The following TMEM132D variants were observed in gnomAD, a reference collection of about 807,000 sequenced individuals.
The protein encoded by TMEM132D is transmembrane protein 132D.
A neutral mutation model predicts 62.3 loss-of-function variants in TMEM132D; 21 were observed. The ratio of observed to expected loss-of-function variants is 0.34; its 90% CI spans 0.24 to 0.49. The LOEUF is 0.49. TMEM132D is among the 20% of genes least tolerant of loss of function. TMEM132D has a pLI of 0.99. For synonymous variants in TMEM132D, 621 were observed against 575.6 expected (o/e 1.08, Z -1.13); for missense variants, 1,346 against 1,402.8 (o/e 0.96, Z 0.65).
At chr12:129,617,858 G>T (rs1878964330) in intron 2 of TMEM132D, among the ~76,000 whole-genome samples, 1 of 152,162 alleles carries the variant, frequency 6.6e-6, no homozygotes, top group African/African-American at 2.4e-5. Context: ...ATACATGGGG[G>T]TTAATATGAA....
chr12:129,325,401 C>T (rs957523413), intron 4 of TMEM132D, among the ~76,000 whole-genome samples: 1 of 152,186 alleles, frequency 6.6e-6, no homozygotes, highest in Admixed American at 6.5e-5. Context: ...GCGCCATGAT[C>T]TGAACCACAC....
At chr12:129,798,451 G>A (rs977480679) in intron 1 of TMEM132D, among the ~76,000 whole-genome samples, 1 of 151,340 alleles carries the variant, frequency 6.6e-6, no homozygotes, top group Admixed American at 6.6e-5. Flanking sequence ...TAATGTAGTA[G>A]AAACATATTA....
intron 2 of TMEM132D, among the ~76,000 whole-genome samples, chr12:129,675,541 A>G (rs1880606823): frequency 6.6e-6 from 1 of 152,140 alleles, no homozygotes; most frequent in African/African-American, 2.4e-5. Flanking sequence ...AAAATTAAAA[A>G]CCTAAAAATA....
intron 4 of TMEM132D, among the ~76,000 whole-genome samples, chr12:129,221,846 T>C (rs1879355798): frequency 2.0e-5 from 3 of 152,152 alleles, no homozygotes. Flanking sequence ...GCGACAATGA[T>C]GGGCTGTGGG....
At chr12:129,321,563 T>C (rs78600823) in intron 4 of TMEM132D, among the ~76,000 whole-genome samples, 2 of 135,138 alleles carry the variant, frequency 1.5e-5, no homozygotes, top group African/African-American at 6.6e-5. Flanking sequence ...AGATCTTTTC[T>C]TTTTTTTTTT....
chr12:129,610,730 G>A (rs911613162), intron 2 of TMEM132D, among the ~76,000 whole-genome samples: 1 of 149,104 alleles, frequency 6.7e-6, no homozygotes. Flanking sequence ...AGTAATTGAT[G>A]ATGTTAACAT....
At chr12:129,601,535 A>C (rs1262265112) in intron 2 of TMEM132D, among the ~76,000 whole-genome samples, 1 of 152,202 alleles carries the variant, frequency 6.6e-6, no homozygotes, top group Non-Finnish European at 1.5e-5. Context: ...ACTAAGCTTA[A>C]TCATTTCTAG....
rs796365436 is a variant in TMEM132D at position 129,074,444 on chromosome 12, T to C, written c.2731A>G (p.Lys911Glu). ...MDGNDLMQAS[K>E]GLSDLEIGMY... is the part of the protein sequence containing the mutation. ...CCAATTTCTAAGTCGCTCAGCCCTT[T>C]GGATGCCTGCATAAGGTCATTCCCA... The change falls in exon 9 of 9, where the codon AAA becomes GAA. Residue 911 changes from lysine (K) to glutamate (E), a missense_variant. Physicochemically the swap from Lys to Glu is moderately conservative, Grantham distance 56. Transcript: ENST00000422113. 3.1e-5 allele frequency: 50 copies of C among 1,614,170 alleles called. No individual in the cohort carries two copies. The highest frequency in any genetic ancestry group is 3.7e-5 in the Non-Finnish European group (44 of 1,180,028).
At chr12:129,184,526 T>C (rs1327429107) in intron 5 of TMEM132D, among the ~76,000 whole-genome samples, 1 of 152,164 alleles carries the variant, frequency 6.6e-6, no homozygotes, top group Non-Finnish European at 1.5e-5. Context: ...CCATACTCTA[T>C]GGGACTAGCC....
chr12:129,741,699 G>A lies in TMEM132D; in HGVS notation c.80-41001C>T, dbSNP rs115107200. 1.5e-3 allele frequency among the ~76,000 whole-genome samples: 226 copies of A among 152,294 alleles called. 1 individual carries two copies. The highest frequency in any genetic ancestry group is 5.1e-3 in the African/African-American group (210 of 41,558). ...TGTGGCAATTAGGACTGGGATTTTT[G>A]AAAAGGTCACTGAATTGGAAATTGG... On this transcript the variant is annotated intron_variant, in intron 1 of 8. Transcript: ENST00000422113.
intron 4 of TMEM132D, among the ~76,000 whole-genome samples, chr12:129,259,901 T>TGGGAAAGAAGA (rs1880509440): frequency 6.6e-6 from 1 of 152,020 alleles, no homozygotes; most frequent in South Asian, 2.1e-4. Flanking sequence ...TTTACTGAGA[T>TGGGAAAGAAGA]GGGAAAGATG....
chr12:129,500,454 G>A (rs34925721), intron 3 of TMEM132D, among the ~76,000 whole-genome samples: 84,637 of 151,592 alleles, frequency 0.56, 24,452 homozygotes, highest in African/African-American at 0.72. Flanking sequence ...GGATGGCTTA[G>A]TAAGCTGCCT....
At chr12:129,858,953 G>A (rs1268637705) in intron 1 of TMEM132D, among the ~76,000 whole-genome samples, 1 of 121,690 alleles carries the variant, frequency 8.2e-6, no homozygotes, top group African/African-American at 3.3e-5. Flanking sequence ...CGGGATGGGT[G>A]CCCTTGGAGT....
At chr12:129,759,737 C>T (rs1870289613) in intron 1 of TMEM132D, among the ~76,000 whole-genome samples, 1 of 152,172 alleles carries the variant, frequency 6.6e-6, no homozygotes, top group South Asian at 2.1e-4. Flanking sequence ...ATGTATACAG[C>T]TGTGTTACCA....
At chr12:129,658,623 A>G (rs11612960) in intron 2 of TMEM132D, among the ~76,000 whole-genome samples, 23,672 of 152,154 alleles carry the variant, frequency 0.16, 2,210 homozygotes, top group Non-Finnish European at 0.21. Flanking sequence ...GTATAATGGG[A>G]GTGACATGCT....
chr12:129,483,688 G>A (rs1268719878), intron 3 of TMEM132D, among the ~76,000 whole-genome samples: 1 of 152,146 alleles, frequency 6.6e-6, no homozygotes, highest in Non-Finnish European at 1.5e-5. Context: ...GAAACGTGTG[G>A]CTTCTGCCAA....
At chr12:129,274,148 C>T (rs950599004) in intron 4 of TMEM132D, among the ~76,000 whole-genome samples, 3 of 151,752 alleles carry the variant, frequency 2.0e-5, no homozygotes, top group South Asian at 2.1e-4. Context: ...AAGTCTTATG[C>T]GCATGAGAGT....
intron 5 of TMEM132D, among the ~76,000 whole-genome samples, chr12:129,166,678 T>TAC (rs1291888717): frequency 9.9e-4 from 87 of 87,556 alleles, no homozygotes; most frequent in Non-Finnish European, 1.9e-3. Context: ...CAAGGACATA[T>TAC]ATATACACAT....
intron 4 of TMEM132D, among the ~76,000 whole-genome samples, chr12:129,317,522 G>A (rs192548772): frequency 1.1e-3 from 160 of 152,308 alleles, no homozygotes; most frequent in African/African-American, 3.3e-3. Context: ...CTGTTAATCC[G>A]ATAGGATTTC....
Sources: gnomAD v4.1 joint callset for allele counts (sites outside exome capture counted in the v4.1 genomes callset) on GRCh38, gnomAD v4.1.1 for gene constraint, MANE v1.5 for transcripts, NCBI Gene and HGNC (gene_info 2026-07-23, HGNC 2026-07-21) for gene names.